ATP9B: variants seen among roughly 807,000 people sequenced by gnomAD.
ATP9B encodes the protein probable phospholipid-transporting ATPase IIB.
Under a neutral mutation model 146.1 loss-of-function variants are expected in ATP9B, and 110 were observed. The observed-to-expected ratio is 0.75, with a 90% CI of 0.65 to 0.88. The LOEUF (loss-of-function observed/expected upper bound fraction) is 0.88, where lower values mean the gene tolerates loss of function less well. ATP9B is among the 40% of genes least tolerant of loss of function. The pLI is 0.00. For synonymous variants in ATP9B, 604 were observed against 569.7 expected (o/e 1.06, Z -0.86); for missense variants, 1,499 against 1,496.4 (o/e 1.00, Z -0.03).
At chr18:79,312,663 C>G (rs1241886041) in intron 15 of ATP9B, among the ~76,000 whole-genome samples, 3 of 152,194 alleles carry the variant, frequency 2.0e-5, no homozygotes. Context: ...CGGGGAGCTA[C>G]TGGTCAAGTG....
At chr18:79,186,526 G>A (rs1188094331) in intron 8 of ATP9B, among the ~76,000 whole-genome samples, 1 of 152,042 alleles carries the variant, frequency 6.6e-6, no homozygotes, top group African/African-American at 2.4e-5. Context: ...GTAGTTTGAG[G>A]TATGAAAGTT....
At chr18:79,330,760 G>A (rs1407032041) in intron 17 of ATP9B, among the ~76,000 whole-genome samples, 1 of 152,148 alleles carries the variant, frequency 6.6e-6, no homozygotes, top group East Asian at 1.9e-4. Flanking sequence ...TTTTGTGTGT[G>A]AGTGCGTGTC....
chr18:79,144,957 T>A, intron 6 of ATP9B: 1 of 222,880 alleles, frequency 4.5e-6, no homozygotes, highest in South Asian at 5.8e-5. Flanking sequence ...AAGAAAAACA[T>A]CAAAGGTCCA....
rs1330126985 is a variant in ATP9B, at chr18:79,373,006, TC to T, written c.3070+127del. On this transcript the variant is annotated intron_variant, in intron 27 of 29. Coordinates refer to ENST00000426216, the MANE Select transcript of ATP9B (RefSeq NM_198531.5). ...TAAAATGCCATCAGCAGTTAAATACTCCCTTCTGTTTATCTTGTAAATCAAT... is the reference window on the plus strand; with the variant it reads ...TAAAATGCCATCAGCAGTTAAATACTCCTTCTGTTTATCTTGTAAATCAAT... The T allele has an allele frequency of 6.4e-6, 4 of 623,764 alleles. No homozygotes were observed. The Admixed American group carries it at 1.2e-4, about 19-fold the overall frequency. The allele number at this position is 623,764 out of a possible 1,614,324, so 38.6% of individuals were successfully genotyped here.
intron 5 of ATP9B, among the ~76,000 whole-genome samples, chr18:79,133,862 G>A (rs2094414355): frequency 1.3e-5 from 2 of 152,162 alleles, no homozygotes. Context: ...CTGGCTGATG[G>A]GACTTTACTG....
intron 19 of ATP9B, among the ~76,000 whole-genome samples, chr18:79,339,708 G>T (rs1302729148): frequency 1.3e-5 from 2 of 149,674 alleles, no homozygotes; most frequent in Non-Finnish European, 1.5e-5. Context: ...TATCATGATT[G>T]CAGTAGGAAG....
intron 2 of ATP9B, among the ~76,000 whole-genome samples, chr18:79,107,780 G>C (rs751413246): frequency 1.3e-5 from 2 of 152,204 alleles, no homozygotes; most frequent in Admixed American, 6.5e-5. Flanking sequence ...GCATGAACTT[G>C]AGCAAGAGCT....
At chr18:79,213,209 C>CA (rs1318625935) in intron 10 of ATP9B, among the ~76,000 whole-genome samples, 21 of 151,874 alleles carry the variant, frequency 1.4e-4, no homozygotes, top group Non-Finnish European at 2.8e-4. Context: ...TCAAAATTTA[C>CA]AAAAAATTAA....
At chr18:79,281,019 A>C (rs549649079) in intron 13 of ATP9B, among the ~76,000 whole-genome samples, 1 of 152,304 alleles carries the variant, frequency 6.6e-6, no homozygotes, top group Admixed American at 6.5e-5. Flanking sequence ...AAAACAAGAA[A>C]GCCTAAAAAT....
chr18:79,108,548 ACT>A (rs2075802811), intron 2 of ATP9B, among the ~76,000 whole-genome samples: 1 of 152,058 alleles, frequency 6.6e-6, no homozygotes, highest in Admixed American at 6.5e-5. Flanking sequence ...AAGATGTTCC[ACT>A]CTTGCAAAGC....
At chr18:79,086,395 C>T (rs2073828582) in intron 1 of ATP9B, 2 of 123,228 alleles carry the variant, frequency 1.6e-5, no homozygotes, top group Admixed American at 1.1e-4. Context: ...GAGATTGCAC[C>T]ACTGCACTCC....
intron 26 of ATP9B, among the ~76,000 whole-genome samples, chr18:79,366,352 C>T (rs898105288): frequency 1.1e-4 from 17 of 152,318 alleles, no homozygotes; most frequent in African/African-American, 4.1e-4. Flanking sequence ...CAGAACCACA[C>T]TGTGGGCTGG....
chr18:79,338,059 G>A (rs1254123604), intron 19 of ATP9B, among the ~76,000 whole-genome samples: 2 of 152,230 alleles, frequency 1.3e-5, no homozygotes, highest in Admixed American at 6.5e-5. Flanking sequence ...TTCATTCTCG[G>A]TTAAATTGTG....
chr18:79,090,626 A>AT (rs996631700), intron 1 of ATP9B, among the ~76,000 whole-genome samples: 3 of 152,020 alleles, frequency 2.0e-5, no homozygotes, highest in African/African-American at 7.2e-5. Flanking sequence ...GATTATTAGA[A>AT]TTTTCCATAT....
chr18:79,251,269 A>G (rs2096020539), intron 11 of ATP9B, among the ~76,000 whole-genome samples: 1 of 152,134 alleles, frequency 6.6e-6, no homozygotes, highest in Non-Finnish European at 1.5e-5. Context: ...TGGAACCCAC[A>G]CTCGGCACAC....
chr18:79,188,283 T>C (rs534628861), intron 8 of ATP9B, among the ~76,000 whole-genome samples: 40 of 152,208 alleles, frequency 2.6e-4, no homozygotes, highest in Non-Finnish European at 5.4e-4. Context: ...ATATATATGG[T>C]TGCTGAAATT....
At chr18:79,189,972 C>T (rs999845570) in intron 8 of ATP9B, among the ~76,000 whole-genome samples, 3 of 152,204 alleles carry the variant, frequency 2.0e-5, no homozygotes, top group Non-Finnish European at 4.4e-5. Flanking sequence ...GGTCCTGGAG[C>T]GGAGACGGCT....
chr18:79,133,161 G>T (rs1253523698), intron 5 of ATP9B, among the ~76,000 whole-genome samples: 2 of 152,114 alleles, frequency 1.3e-5, no homozygotes, highest in Admixed American at 6.6e-5. Context: ...CAGAGTGCTG[G>T]GATTACAGGT....
intron 5 of ATP9B, among the ~76,000 whole-genome samples, chr18:79,137,017 C>G (rs2094455506): frequency 6.6e-6 from 1 of 152,206 alleles, no homozygotes. Context: ...GTCCCTCCCA[C>G]AACATGTGGG....
Sources: gnomAD v4.1 joint callset for allele counts (sites outside exome capture counted in the v4.1 genomes callset) on GRCh38, gnomAD v4.1.1 for gene constraint, MANE v1.5 for transcripts, NCBI Gene and HGNC (gene_info 2026-07-23, HGNC 2026-07-21) for gene names.